RRM2: variants seen among roughly 807,000 people sequenced by gnomAD.
RRM2 encodes ribonucleotide reductase regulatory subunit M2.
Under a neutral mutation model 45.9 loss-of-function variants are expected in RRM2, and 6 were observed. The observed-to-expected ratio is 0.13, with a 90% CI of 0.07 to 0.26. RRM2 has a LOEUF of 0.26. Ranked by LOEUF, RRM2 falls within the 10% of genes least tolerant of loss-of-function variation. The probability of loss-of-function intolerance (pLI) is 1.00; values close to 1 mark genes in which losing one functional copy is unlikely to be tolerated. For missense variants in RRM2, 343 were observed against 489.5 expected (o/e 0.70, Z 2.82); for synonymous variants, 177 against 173.0 (o/e 1.02, Z -0.18).
chr2:10,154,222 C>A (rs1057413896), intron 3 of RRM2, among the ~76,000 whole-genome samples: 5 of 152,132 alleles, frequency 3.3e-5, no homozygotes, highest in African/African-American at 1.2e-4. Context: ...GCCTGTAATC[C>A]CAGCACTTTG....
chr2:10,151,555 C>T (rs1663312870), intron 3 of RRM2, among the ~76,000 whole-genome samples: 1 of 152,120 alleles, frequency 6.6e-6, no homozygotes, highest in African/African-American at 2.4e-5. Flanking sequence ...GCCTTGGCCT[C>T]CGAAAGTGCT....
At chr2:10,202,418 C>T (rs185769924) in intron 3 of RRM2, among the ~76,000 whole-genome samples, 4 of 152,312 alleles carry the variant, frequency 2.6e-5, no homozygotes, top group East Asian at 1.9e-4. Context: ...ACATGAAAAG[C>T]GGCTCAACAG....
At chr2:10,200,092 C>T (rs55983661) in intron 3 of RRM2, among the ~76,000 whole-genome samples, 1,676 of 152,258 alleles carry the variant, frequency 0.011, 18 homozygotes, top group South Asian at 0.037. Context: ...GTCAGCCTCC[C>T]AAAGTGCTGG....
In RRM2 at chr2:10,171,056, C is replaced by T. The variant is rs1663794379; in HGVS notation, n.482+28681C>T. ...GTGGGCATCTAGATGACCCTCCACA[C>T]TGAGCAGACCCAGCACAGGCTGCGC... On this transcript the variant is annotated intron_variant and non_coding_transcript_variant, in intron 3 of 3. Coordinates refer to the RRM2 transcript ENST00000381786. The surrounding 1 kb of genome is among the most constrained non-coding windows in gnomAD (Gnocchi z 4.1). Among the ~76,000 whole-genome samples, 1 of 152,244 alleles carries T rather than the reference C, an allele frequency of 6.6e-6. No individual in the cohort carries two copies. Among genetic ancestry groups the T allele is most frequent in the South Asian group, 2.1e-4 (1 of 4,834 alleles).
intron 3 of RRM2, among the ~76,000 whole-genome samples, chr2:10,148,401 GA>G (rs34065891): frequency 1.3e-5 from 2 of 151,148 alleles, no homozygotes; most frequent in East Asian, 3.9e-4. Flanking sequence ...GGGACTAAAT[GA>G]AAAAAAAATA....
upstream of RRM2, among the ~76,000 whole-genome samples, chr2:10,141,137 G>C (rs1182057126): frequency 6.6e-6 from 1 of 152,218 alleles, no homozygotes; most frequent in South Asian, 2.1e-4. Flanking sequence ...ATTTCGTGGA[G>C]AGGTGGGAGT....
At chr2:10,194,957 G>A (rs937131577) in intron 3 of RRM2, among the ~76,000 whole-genome samples, 2 of 152,222 alleles carry the variant, frequency 1.3e-5, no homozygotes, top group Non-Finnish European at 2.9e-5. Flanking sequence ...CGTTCTCAGC[G>A]GTGCGGGTAA....
chr2:10,181,991 C>G (rs943534900), intron 3 of RRM2, among the ~76,000 whole-genome samples: 3 of 151,936 alleles, frequency 2.0e-5, no homozygotes, highest in Non-Finnish European at 2.9e-5. Flanking sequence ...GTCTTGAACT[C>G]GTAGGTTCAA....
chr2:10,199,776 T>G (rs1664499821), intron 3 of RRM2, among the ~76,000 whole-genome samples: 1 of 5,188 alleles, frequency 1.9e-4, no homozygotes, highest in African/African-American at 8.8e-4. Flanking sequence ...TGAGACTCAG[T>G]CTCAAAAAAA....
At position 10,130,568 on chromosome 2, in the gene RRM2, G is replaced by A. The variant is rs1191388237; in HGVS notation, c.*1182G>A. On this transcript the variant is annotated 3_prime_UTR_variant, in exon 10 of 10. Transcript: ENST00000304567. ...TTGTCTAGGGGGATCTTAAACTTTAGTAGGAAACCATGAGCTGTTAATACA... is the reference window on the plus strand; with the variant it reads ...TTGTCTAGGGGGATCTTAAACTTTAATAGGAAACCATGAGCTGTTAATACA... The A allele has an allele frequency of 6.6e-6, 1 of 151,818 alleles. No individual in the cohort carries two copies. The highest frequency in any genetic ancestry group is 1.5e-5 in the Non-Finnish European group (1 of 67,980). The allele number at this position is 151,818 out of a possible 1,614,324, so 9.4% of individuals were successfully genotyped here.
At chr2:10,150,816 GT>G (rs1553324061) in intron 3 of RRM2, among the ~76,000 whole-genome samples, 6 of 96,898 alleles carry the variant, frequency 6.2e-5, no homozygotes, top group Non-Finnish European at 1.1e-4. Flanking sequence ...ACTTAGCATA[GT>G]TTTTTTTTCT....
intron 3 of RRM2, among the ~76,000 whole-genome samples, chr2:10,180,595 C>T (rs1438469227): frequency 1.3e-5 from 2 of 152,122 alleles, no homozygotes; most frequent in Non-Finnish European, 2.9e-5. Context: ...CTCCAGGGCT[C>T]CTGCCTCCTG....
chr2:10,189,093 A>G (rs913167196), intron 3 of RRM2, among the ~76,000 whole-genome samples: 11 of 152,082 alleles, frequency 7.2e-5, no homozygotes, highest in African/African-American at 2.7e-4. Context: ...ATGGAGGCAC[A>G]GGAGGGCTAA....
At position 10,168,251 on chromosome 2, in the gene RRM2, G is replaced by A. The variant is rs374997808; in HGVS notation, n.482+25876G>A. Reference sequence around the variant, plus strand: ...TCACAGTGGGTCCTATACCTAAGGCGATAGTTCCTTCCCCCCACCCCTGAC... The same window carrying A: ...TCACAGTGGGTCCTATACCTAAGGCAATAGTTCCTTCCCCCCACCCCTGAC... On this transcript the variant is annotated intron_variant and non_coding_transcript_variant, in intron 3 of 3. Coordinates refer to the RRM2 transcript ENST00000381786. Among the ~76,000 whole-genome samples, 6 of 152,070 alleles carry A rather than the reference G, an allele frequency of 3.9e-5. No individual in the cohort carries two copies. In the South Asian group the frequency reaches 1.2e-3, roughly 32 times the overall value.
intron 3 of RRM2, among the ~76,000 whole-genome samples, chr2:10,164,345 C>T (rs1233858873): frequency 6.6e-6 from 1 of 152,130 alleles, no homozygotes; most frequent in Non-Finnish European, 1.5e-5. Flanking sequence ...ATCATCTATC[C>T]ACATCTCTGC....
At chr2:10,180,088 C>G (rs977755214) in intron 3 of RRM2, among the ~76,000 whole-genome samples, 1 of 152,196 alleles carries the variant, frequency 6.6e-6, no homozygotes, top group Non-Finnish European at 1.5e-5. Flanking sequence ...CTCCCTTCCC[C>G]CAGAGGAGGT....
intron 3 of RRM2, among the ~76,000 whole-genome samples, chr2:10,176,582 A>G (rs1270554498): frequency 6.6e-6 from 1 of 152,150 alleles, no homozygotes; most frequent in Admixed American, 6.6e-5. Context: ...TTTTAAAGGA[A>G]CCACCACACT....
chr2:10,167,747 G>A (rs1426227868), intron 3 of RRM2, among the ~76,000 whole-genome samples: 4 of 152,134 alleles, frequency 2.6e-5, no homozygotes, highest in Admixed American at 2.0e-4. Flanking sequence ...AACTCTTCAT[G>A]GCAGAGACCT....
chr2:10,133,080 C>T (rs747113495), downstream of RRM2, among the ~76,000 whole-genome samples: 5 of 152,188 alleles, frequency 3.3e-5, no homozygotes, highest in Non-Finnish European at 7.3e-5. Context: ...CACTTGAGAT[C>T]GGGTGGGATA....
Sources: allele counts gnomAD v4.1 joint callset (sites outside exome capture counted in the v4.1 genomes callset), GRCh38; gene constraint gnomAD v4.1.1; non-coding constraint Gnocchi (gnomAD v3.1); transcripts MANE v1.5; gene names NCBI Gene and HGNC (gene_info 2026-07-23, HGNC 2026-07-21).